RXRA: variants seen among roughly 807,000 people sequenced by gnomAD.
The protein encoded by RXRA is retinoid X receptor alpha.
A neutral mutation model predicts 44.5 loss-of-function variants in RXRA; 5 were observed. That is an observed-to-expected ratio of 0.11 (90% confidence interval 0.06 to 0.24). The LOEUF is 0.24. Ranked by LOEUF, RXRA falls within the 10% of genes least tolerant of loss-of-function variation. The pLI, the probability that RXRA is intolerant of heterozygous loss-of-function variation, is 1.00. For missense variants in RXRA, 412 were observed against 646.5 expected (o/e 0.64, Z 3.93); for synonymous variants, 291 against 271.4 (o/e 1.07, Z -0.71).
Position 134,421,692 on chromosome 9 carries a change from C to T in RXRA, c.797C>T (p.Thr266Ile). 6.4e-7 allele frequency: 1 copy of T among 1,569,386 alleles called. No homozygotes were observed. Among genetic ancestry groups the T allele is most frequent in the Non-Finnish European group, 8.7e-7 (1 of 1,152,908 alleles). Residue 266 changes from threonine to isoleucine, a missense_variant, in exon 6 of 10, where the codon ACC becomes ATC. Physicochemically the swap from Thr to Ile is moderately conservative, Grantham distance 89. This residue lies in a region of RXRA where 67 missense variants were observed against 78.7 expected (regional missense o/e 0.85). Coordinates refer to ENST00000481739, the MANE Select transcript of RXRA (RefSeq NM_002957.6). ...LNPSSPNDPV[T>I]NICQAADKQL... ...CCACTGCAGCCGAACGACCCTGTCA[C>T]CAACATTTGCCAAGCAGCCGACAAA...
rs573902984 is a variant in RXRA, at chr9:134,392,519, C to T, written c.29-9113C>T. ...AGTGGAGCGAGCGTGGCTGGACAGG[C>T]CTGGCCCCAGAGCTGCGCGATTTCC... On this transcript the variant is annotated intron_variant, in intron 1 of 9. Coordinates refer to ENST00000481739, the MANE Select transcript of RXRA (RefSeq NM_002957.6). 5.9e-5 allele frequency among the ~76,000 whole-genome samples: 9 copies of T among 152,304 alleles called. No homozygotes were observed. The South Asian group carries it at 1.9e-3, about 32-fold the overall frequency.
intron 6 of RXRA, chr9:134,424,564 ACT>A: frequency 1.4e-5 from 14 of 985,054 alleles, no homozygotes; most frequent in Non-Finnish European, 1.7e-5. Context: ...TGAGTCACTT[ACT>A]CTCTGTGCCT....
In RXRA at chr9:134,349,831, C is replaced by T. The variant is rs1347369152; in HGVS notation, c.28+23172C>T. On this transcript the variant is annotated intron_variant, in intron 1 of 9. Coordinates refer to ENST00000481739, the MANE Select transcript of RXRA (RefSeq NM_002957.6). The surrounding 1 kb of genome is among the most constrained non-coding windows in gnomAD (Gnocchi z 4.3). ...AGCTGGGCTAGCTCGGGTGGGCGGG[C>T]GGGTGCCGCAGGCTCTCCTGTGGTA... Among the ~76,000 whole-genome samples the T allele has an allele frequency of 3.4e-4, 17 of 50,516 alleles. No homozygotes were observed. The highest frequency in any genetic ancestry group is 7.1e-4 in the South Asian group (1 of 1,400). 33.1% of individuals were successfully genotyped at this position (50,516 alleles called of 152,430 possible).
At chr9:134,354,100 G>A (rs1046649327) in intron 1 of RXRA, among the ~76,000 whole-genome samples, 2 of 152,326 alleles carry the variant, frequency 1.3e-5, no homozygotes, top group South Asian at 4.1e-4. Flanking sequence ...GCCTAGAGGT[G>A]CATTCCAGCC....
At chr9:134,374,401 C>T (rs1475256996) in intron 1 of RXRA, among the ~76,000 whole-genome samples, 1 of 152,240 alleles carries the variant, frequency 6.6e-6, no homozygotes, top group African/African-American at 2.4e-5. Context: ...TGGTCCCCAG[C>T]TGTCCTGAGG....
Position 134,433,152 on chromosome 9 carries a change from G to A in RXRA, c.1136-950G>A, listed in dbSNP as rs1260296064. Reference sequence around the variant, plus strand: ...ATGGAGATGGGCATCTTCTTGTGGGGAGAGCTTGTTTCCAGGGTCATTTTA... The same window carrying A: ...ATGGAGATGGGCATCTTCTTGTGGGAAGAGCTTGTTTCCAGGGTCATTTTA... On this transcript the variant is annotated intron_variant, in intron 8 of 9. Coordinates refer to ENST00000481739, the MANE Select transcript of RXRA (RefSeq NM_002957.6). The surrounding 1 kb of genome is among the most constrained non-coding windows in gnomAD (Gnocchi z 4.2). 6.6e-6 allele frequency among the ~76,000 whole-genome samples: 1 copy of A among 152,122 alleles called. No individual in the cohort carries two copies. The highest frequency in any genetic ancestry group is 1.5e-5 in the Non-Finnish European group (1 of 68,006).
chr9:134,411,346 G>A (rs1266505719), intron 4 of RXRA, among the ~76,000 whole-genome samples: 2 of 152,180 alleles, frequency 1.3e-5, no homozygotes, highest in Non-Finnish European at 2.9e-5. Flanking sequence ...GGAATCACCT[G>A]GTCAGACCGC....
intron 1 of RXRA, among the ~76,000 whole-genome samples, chr9:134,346,050 G>C (rs1383152695): frequency 3.3e-5 from 5 of 152,202 alleles, no homozygotes; most frequent in African/African-American, 1.2e-4. Flanking sequence ...GGCCATTTCT[G>C]GGGGGTGGGG....
chr9:134,397,591 G>A (rs1450472756), intron 1 of RXRA, among the ~76,000 whole-genome samples: 5 of 152,208 alleles, frequency 3.3e-5, no homozygotes, highest in Non-Finnish European at 5.9e-5. Flanking sequence ...TGCCCCTGCC[G>A]GGATCAGGGC....
intron 1 of RXRA, among the ~76,000 whole-genome samples, chr9:134,396,751 C>T (rs1278673829): frequency 6.6e-6 from 1 of 152,228 alleles, no homozygotes; most frequent in Non-Finnish European, 1.5e-5. Context: ...CCGTCCTTCC[C>T]TCCGCTGGGC....
chr9:134,332,318 G>A (rs551132875), intron 1 of RXRA, among the ~76,000 whole-genome samples: 1 of 152,314 alleles, frequency 6.6e-6, no homozygotes, highest in South Asian at 2.1e-4. Context: ...GGCAGGGCAG[G>A]GTAGGGGCAC....
At chr9:134,360,346 A>G (rs1830334775) in intron 1 of RXRA, among the ~76,000 whole-genome samples, 2 of 150,914 alleles carry the variant, frequency 1.3e-5, no homozygotes, top group South Asian at 4.2e-4. Flanking sequence ...CTCCATTTCC[A>G]CCCCGCTGGT....
intron 1 of RXRA, among the ~76,000 whole-genome samples, chr9:134,367,272 C>T (rs1294332746): frequency 6.6e-6 from 1 of 152,150 alleles, no homozygotes; most frequent in Non-Finnish European, 1.5e-5. Flanking sequence ...TTTGTGATCT[C>T]CCTCCATCTT....
intron 2 of RXRA, 26 bp from the exon 3 acceptor site, chr9:134,408,123 C>T: frequency 6.6e-7 from 1 of 1,514,398 alleles, no homozygotes; most frequent in Non-Finnish European, 8.8e-7. Flanking sequence ...GTACACCCCG[C>T]TGACTGCTGT....
rs1564298069 is a variant in RXRA, at chr9:134,429,249, G to A, written c.1043+9G>A. 6.2e-7 allele frequency: 1 copy of A among 1,609,522 alleles called. No homozygotes were observed. Among genetic ancestry groups the A allele is most frequent in the Non-Finnish European group, 8.5e-7 (1 of 1,178,220 alleles). On this transcript the variant is annotated intron_variant, in intron 7 of 9. Transcript: ENST00000481739. ...GGCGCCATCTTTGACAGGTGGGGGT[G>A]GTCCCGGGAGGGGCGAGGGCGCTTC... is the stretch of plus-strand genomic sequence containing the variant.
chr9:134,425,267 T>C (rs2119195502), intron 6 of RXRA: 1 of 985,332 alleles, frequency 1.0e-6, no homozygotes, highest in Admixed American at 6.1e-5. Context: ...GGTGGGCTGC[T>C]GCCCTACCCG....
intron 1 of RXRA, among the ~76,000 whole-genome samples, chr9:134,328,027 G>C (rs1169866881): frequency 6.6e-6 from 1 of 152,252 alleles, no homozygotes; most frequent in Non-Finnish European, 1.5e-5. Flanking sequence ...GGTGGATTTG[G>C]GATTAGCACC....
At chr9:134,383,533 G>C (rs879738588) in intron 1 of RXRA, among the ~76,000 whole-genome samples, 1 of 152,150 alleles carries the variant, frequency 6.6e-6, no homozygotes, top group African/African-American at 2.4e-5. Flanking sequence ...TGTCAGTGAG[G>C]CTTGTTGGGC....
intron 1 of RXRA, among the ~76,000 whole-genome samples, chr9:134,345,449 T>A (rs4917353): frequency 0.42 from 63,489 of 152,046 alleles, 15,906 homozygotes; most frequent in African/African-American, 0.71. Context: ...TCGTGGAGGG[T>A]TCTGGAGTTT....
Sources: gnomAD v4.1 joint callset for allele counts (sites outside exome capture counted in the v4.1 genomes callset) on GRCh38, gnomAD v4.1.1 for gene constraint, gnomAD v4.1.1 regional missense constraint, Gnocchi (gnomAD v3.1) non-coding constraint, MANE v1.5 for transcripts, NCBI Gene and HGNC (gene_info 2026-07-23, HGNC 2026-07-21) for gene names.